PRX: variants seen among roughly 807,000 people sequenced by gnomAD.
The protein encoded by PRX is periaxin.
PRX carries 24 observed loss-of-function variants against 29.6 expected under a neutral mutation model. The ratio of observed to expected loss-of-function variants is 0.81; its 90% CI spans 0.59 to 1.14. PRX has a LOEUF of 1.14. PRX is among the 50% of genes most tolerant of loss of function. PRX has a pLI of 0.00. For missense variants in PRX, 1,838 were observed against 1,926.4 expected, an observed-to-expected ratio of 0.95 and a Z score of 0.86; for synonymous variants, 772 against 831.7, an observed-to-expected ratio of 0.93 and a Z score of 1.24.
At position 40,395,467 on chromosome 19, in the gene PRX, A is replaced by G; in HGVS notation, c.2885T>C (p.Phe962Ser). 6.2e-7 allele frequency: 1 copy of G among 1,613,792 alleles called. No individual in the cohort carries two copies. Among genetic ancestry groups the G allele is most frequent in the Non-Finnish European group, 8.5e-7 (1 of 1,179,950 alleles). Residue 962 changes from phenylalanine (F) to serine (S), a missense_variant, in exon 7 of 7, where the codon TTT becomes TCT. Transcript: ENST00000324001. ...CCGAGCCTTGGGGAGTGAGATGGCA[A>G]ATTTGGATACCTTCAGCTTGGTAGC... ...GRATKLKVSK[F>S]AISLPKARVG...
intron 5 of PRX, among the ~76,000 whole-genome samples, chr19:40,402,072 G>A (rs1568713294): frequency 6.6e-6 from 1 of 152,134 alleles, no homozygotes; most frequent in Admixed American, 6.5e-5. Flanking sequence ...GCAGCTGTAG[G>A]CCGGCCTCGG....
Position 40,398,295 on chromosome 19 carries a change from C to G in PRX, c.381+325G>C, listed in dbSNP as rs2079461822. ...GGGAGAGAAACAACTTTGTCCAGGG[C>G]CACTCAGCAGTAATTGGGCCAGCAC... On this transcript the variant is annotated intron_variant, in intron 6 of 6. Coordinates refer to ENST00000324001, the MANE Select transcript of PRX (RefSeq NM_181882.3). This position sits in a 1 kb window ranked among gnomAD's most constrained non-coding sequence, Gnocchi z 6.3. 7.0e-7 allele frequency: 1 copy of G among 1,420,822 alleles called. No individual in the cohort carries two copies. The allele number at this position is 1,420,822 out of a possible 1,614,324, so 88.0% of individuals were successfully genotyped here.
chr19:40,394,661 C>A lies in PRX; in HGVS notation c.3691G>T (p.Ala1231Ser). 6.2e-7 allele frequency: 1 copy of A among 1,608,646 alleles called. No individual in the cohort carries two copies. Among genetic ancestry groups the A allele is most frequent in the Non-Finnish European group, 8.5e-7 (1 of 1,179,914 alleles). Residue 1231 changes from alanine to serine, a missense_variant, in exon 7 of 7, where the codon GCA becomes TCA. Ala to Ser is a moderately conservative substitution (Grantham distance 99, BLOSUM62 1). Coordinates refer to ENST00000324001, the MANE Select transcript of PRX (RefSeq NM_181882.3). This position sits in a 1 kb window ranked among gnomAD's most constrained non-coding sequence, Gnocchi z 5.8. ...LELDVGLSRE[A>S]QAGEAATGEG... ...CCTGTGGCCGCCTCGCCCGCCTGTG[C>A]CTCTCGGCTTAGCCCCACGTCCAGC...
In PRX at chr19:40,398,832, A is replaced by G. The variant is rs776688103; in HGVS notation, c.185-16T>C. 1.2e-6 allele frequency: 2 copies of G among 1,613,816 alleles called. No homozygotes were observed. Among genetic ancestry groups the G allele is most frequent in the South Asian group, 2.2e-5 (2 of 91,066 alleles). On this transcript the variant is annotated splice_polypyrimidine_tract_variant and intron_variant, in intron 5 of 6. Transcript: ENST00000324001. The surrounding 1 kb of genome is among the most constrained non-coding windows in gnomAD (Gnocchi z 6.3). ...AGCTGGTCCCCTGCGGGCGAGGTGG[A>G]GGTGCGCAGCACGTGGGCATCTCCC... is the stretch of plus-strand genomic sequence containing the variant.
rs268673 is a variant in PRX at position 40,395,589 on chromosome 19, T to C, written c.2763A>G (p.Ile921Met). 0.38 allele frequency: 614,750 copies of C among 1,613,966 alleles called. 120,371 individuals are homozygous for C. The highest frequency in any genetic ancestry group is 0.42 in the Admixed American group (24,972 of 60,000). ...VEIEEGRLEM[I>M]ETKVKPSSKF... ...TGGAAGAGGGCTTGACTTTTGTCTCTATCATCTCCAGCCGCCCTTCCTCAA... is the reference window on the plus strand; with the variant it reads ...TGGAAGAGGGCTTGACTTTTGTCTCCATCATCTCCAGCCGCCCTTCCTCAA... The change falls in exon 7 of 7, where the codon ATA becomes ATG. Residue 921 changes from isoleucine (I) to methionine (M), a missense_variant. Physicochemically the swap from Ile to Met is conservative, Grantham distance 10. Coordinates refer to ENST00000324001, the MANE Select transcript of PRX (RefSeq NM_181882.3).
Position 40,403,810 on chromosome 19 carries a change from G to T in PRX, c.80C>A (p.Thr27Asn), listed in dbSNP as rs1291881750. Residue 27 changes from threonine (T) to asparagine (N), a missense_variant, in exon 5 of 7, where the codon ACC becomes AAC. By Grantham distance (65) the Thr-to-Asn change is moderately conservative. Coordinates refer to ENST00000324001, the MANE Select transcript of PRX (RefSeq NM_181882.3). ...VEIIVETEAQ[T>N]GVSGINVAGG... ...CGCTACGTTGATGCCGCTGACCCCG[G>T]TCTGCGCCTCCGTCTCCACGATAAT... 79 of 1,608,958 alleles carry T rather than the reference G, an allele frequency of 4.9e-5. No individual in the cohort carries two copies. Among genetic ancestry groups the T allele is most frequent in the Non-Finnish European group, 6.5e-5 (77 of 1,178,836 alleles).
rs1412706172 is a variant in PRX at position 40,395,553 on chromosome 19, T to G, written c.2799A>C (p.Leu933Phe). The G allele has an allele frequency of 1.9e-6, 3 of 1,614,148 alleles. No homozygotes were observed. Among genetic ancestry groups the G allele is most frequent in the South Asian group, 2.2e-5 (2 of 91,070 alleles). The change falls in exon 7 of 7, where the codon TTA becomes TTC. Residue 933 changes from leucine to phenylalanine, a missense_variant. Physicochemically the swap from Leu to Phe is conservative, Grantham distance 22. This residue lies in a region of PRX where 1,143 missense variants were observed against 1,193.0 expected (regional missense o/e 0.96). Coordinates refer to ENST00000324001, the MANE Select transcript of PRX (RefSeq NM_181882.3). ...TKVKPSSKFS[L>F]PKFGLSGPKV... ...TTGGCCCCGAGAGTCCAAACTTAGG[T>G]AAGGAGAACTTGGAAGAGGGCTTGA...
In PRX at chr19:40,395,719, T is replaced by A; in HGVS notation, c.2633A>T (p.Lys878Met). 6.2e-7 allele frequency: 1 copy of A among 1,614,080 alleles called. No homozygotes were observed. The highest frequency in any genetic ancestry group is 8.5e-7 in the Non-Finnish European group (1 of 1,179,996). ...QGQVPAAKMG[K>M]GERVEGPEVA... ...CTCAGGGCCCTCCACCCGCTCTCCC[T>A]TGCCCATTTTAGCGGCTGGGACCTG... Residue 878 changes from lysine to methionine, a missense_variant, in exon 7 of 7, where the codon AAG (lysine) becomes ATG (methionine). Transcript: ENST00000324001.
Position 40,398,465 on chromosome 19 carries a change from TGGGGCAGAGAGGAA to T in PRX, c.381+141_381+154del. 1 of 1,528,098 alleles carries T rather than the reference TGGGGCAGAGAGGAA, an allele frequency of 6.5e-7. No individual in the cohort carries two copies. The highest frequency in any genetic ancestry group is 8.8e-7 in the Non-Finnish European group (1 of 1,141,370). 94.7% of individuals were successfully genotyped at this position (1,528,098 alleles called of 1,614,324 possible). On this transcript the variant is annotated intron_variant, in intron 6 of 6. Coordinates refer to ENST00000324001, the MANE Select transcript of PRX (RefSeq NM_181882.3). The surrounding 1 kb of genome is among the most constrained non-coding windows in gnomAD (Gnocchi z 6.3). ...CTGTCCCCCTTCCCGGGGAAGAGTT[TGGGGCAGAGAGGAA>T]GGGGCAGAGGGTGGAATTAGCTTGG...
At chr19:40,412,347 G>GCCT (rs2079562367) in intron 1 of PRX, among the ~76,000 whole-genome samples, 1 of 152,142 alleles carries the variant, frequency 6.6e-6, no homozygotes, top group Admixed American at 6.5e-5. Flanking sequence ...GAGGACTTGG[G>GCCT]CAAGATCCTT....
intron 1 of PRX, among the ~76,000 whole-genome samples, chr19:40,411,228 C>T (rs539958717): frequency 2.6e-5 from 4 of 152,286 alleles, no homozygotes; most frequent in South Asian, 2.1e-4. Flanking sequence ...AGGGGGCCAA[C>T]GGTGCTAGAA....
At position 40,397,519 on chromosome 19, in the gene PRX, G is replaced by A. The variant is rs886054440; in HGVS notation, c.833C>T (p.Pro278Leu). ...TGGGGCCTCCACAGCAGGCGGAGCC[G>A]GGGCTCCGAGCCCAAGGGTTGGCAG... ...LHLPTLGLGA[P>L]APPAVEAPAV... Residue 278 changes from proline to leucine, a missense_variant, in exon 7 of 7, where the codon CCG (proline) becomes CTG (leucine). Pro to Leu is a moderately conservative substitution (Grantham distance 98). Coordinates refer to ENST00000324001, the MANE Select transcript of PRX (RefSeq NM_181882.3). The A allele has an allele frequency of 1.5e-5, 23 of 1,546,290 alleles. No individual in the cohort carries two copies. In the Middle Eastern group the frequency reaches 5.4e-4, roughly 36 times the overall value.
At position 40,395,104 on chromosome 19, in the gene PRX, G is replaced by C. The variant is rs3745202; in HGVS notation, c.3248C>G (p.Pro1083Arg). Reference sequence around the variant, plus strand: ...AGCGGTGGACTCAGCCTTTTCCCCCGGGCTGGCACGATCACCTTGAACTTC... The same window carrying C: ...AGCGGTGGACTCAGCCTTTTCCCCCCGGCTGGCACGATCACCTTGAACTTC... ...EAEVQGDRAS[P>R]GEKAESTAVQ... The change falls in exon 7 of 7, where the codon CCG becomes CGG. Residue 1083 changes from proline (P) to arginine (R), a missense_variant. By Grantham distance (103) the Pro-to-Arg change is moderately radical (BLOSUM62 -2). Coordinates refer to ENST00000324001, the MANE Select transcript of PRX (RefSeq NM_181882.3). 0.17 allele frequency: 271,469 copies of C among 1,613,640 alleles called. 24,938 individuals are homozygous for C. Among genetic ancestry groups the C allele is most frequent in the Non-Finnish European group, 0.19 (225,026 of 1,179,946 alleles).
rs59315819 is a variant in PRX at position 40,399,850 on chromosome 19, CCTTTCTTT to C, written c.185-1042_185-1035del. On this transcript the variant is annotated intron_variant, in intron 5 of 6. Coordinates refer to ENST00000324001, the MANE Select transcript of PRX (RefSeq NM_181882.3). Reference sequence around the variant, plus strand: ...TGAGCCACTACACCCAGCTTTCTTTCCTTTCTTTCTTTCTTTCTTTCTTTCTTTCTTTC... The same window carrying C: ...TGAGCCACTACACCCAGCTTTCTTTCCTTTCTTTCTTTCTTTCTTTCTTTC... 7.6e-3 allele frequency among the ~76,000 whole-genome samples: 909 copies of C among 119,732 alleles called. 8 individuals carry two copies. The highest frequency in any genetic ancestry group is 0.028 in the Middle Eastern group (7 of 252). The allele number at this position is 119,732 out of a possible 152,430, so 78.5% of individuals were successfully genotyped here. A position where few individuals can be genotyped will look rare whatever the true frequency, so the allele number is the denominator to read the frequency against.
chr19:40,406,416 C>A (rs937701281), intron 4 of PRX, among the ~76,000 whole-genome samples: 2 of 152,024 alleles, frequency 1.3e-5, no homozygotes, highest in East Asian at 3.9e-4. Context: ...TAGCCTTGGG[C>A]AGTCACAGAG....
chr19:40,394,286 C>T lies in PRX; in HGVS notation c.4066G>A (p.Glu1356Lys), dbSNP rs1806335348. ...CCACTGCCCTCTTCCTCCTCCTCCT[C>T]CTCCTCCTCGGGGCTGGGGGACCCT... is the stretch of plus-strand genomic sequence containing the variant. ...GEGSPSPEEE[E>K]EEEEEGSGEG... The change falls in exon 7 of 7, where the codon GAG becomes AAG. Residue 1356 changes from glutamate to lysine, a missense_variant. Around this residue, in one of 3 missense-constraint regions of PRX, gnomAD observed 1,143 missense variants for 1,193.0 expected, o/e 0.96. Coordinates refer to ENST00000324001, the MANE Select transcript of PRX (RefSeq NM_181882.3). This position sits in a 1 kb window ranked among gnomAD's most constrained non-coding sequence, Gnocchi z 5.8. 1 of 1,612,774 alleles carries T rather than the reference C, an allele frequency of 6.2e-7. No homozygotes were observed. Among genetic ancestry groups the T allele is most frequent in the Admixed American group, 1.7e-5 (1 of 59,852 alleles).
At chr19:40,410,742 G>A (rs1029820842) in intron 1 of PRX, among the ~76,000 whole-genome samples, 33 of 152,098 alleles carry the variant, frequency 2.2e-4, no homozygotes, top group Admixed American at 1.4e-3. Context: ...GTGGCAGCGC[G>A]CGCCTGTAAT....
intron 1 of PRX, among the ~76,000 whole-genome samples, chr19:40,410,390 A>C (rs1760843246): frequency 6.6e-6 from 1 of 152,084 alleles, no homozygotes; most frequent in Admixed American, 6.6e-5. Flanking sequence ...ATGGCCTTTC[A>C]TAGCCCATCA....
intron 5 of PRX, among the ~76,000 whole-genome samples, chr19:40,402,970 T>G (rs1244874303): frequency 2.0e-5 from 3 of 151,536 alleles, no homozygotes; most frequent in African/African-American, 7.3e-5. Context: ...GGGAGTTCGA[T>G]ACCAGCCTGG....
Sources: allele counts gnomAD v4.1 joint callset (sites outside exome capture counted in the v4.1 genomes callset), GRCh38; gene constraint gnomAD v4.1.1; regional missense constraint gnomAD v4.1.1; non-coding constraint Gnocchi (gnomAD v3.1); transcripts MANE v1.5; gene names NCBI Gene and HGNC (gene_info 2026-07-23, HGNC 2026-07-21).